Variants in IMMP1L observed in about 807,000 individuals in gnomAD.
IMMP1L encodes the protein mitochondrial inner membrane protease subunit 1.
In IMMP1L, 24 loss-of-function variants were observed where a neutral mutation model predicts 21.8. The ratio of observed to expected loss-of-function variants is 1.10; its 90% CI spans 0.80 to 1.55. The LOEUF is 1.55. IMMP1L is among the 40% of genes most tolerant of loss of function. The pLI is 0.00. For missense variants in IMMP1L, 195 were observed against 200.7 expected (o/e 0.97, Z 0.17); for synonymous variants, 46 against 62.8 (o/e 0.73, Z 1.26).
chr11:31,434,523 A>T (rs1953048324), intron 4 of IMMP1L, among the ~76,000 whole-genome samples: 1 of 152,100 alleles, frequency 6.6e-6, no homozygotes, highest in South Asian at 2.1e-4. Context: ...TATTTTCACT[A>T]TTCTTTTGAC....
intron 4 of IMMP1L, among the ~76,000 whole-genome samples, chr11:31,453,271 C>T (rs951033630): frequency 2.0e-5 from 3 of 152,160 alleles, no homozygotes; most frequent in Non-Finnish European, 2.9e-5. Context: ...ACAAACAATG[C>T]TATTTCTTTG....
At chr11:31,509,049 T>C (rs902146216) in intron 1 of IMMP1L, among the ~76,000 whole-genome samples, 31 of 152,334 alleles carry the variant, frequency 2.0e-4, no homozygotes, top group African/African-American at 7.2e-4. Flanking sequence ...ACACTTGTCA[T>C]TTACACCGCT....
chr11:31,464,615 A>C (rs1482910483), intron 1 of IMMP1L, among the ~76,000 whole-genome samples: 1 of 152,186 alleles, frequency 6.6e-6, no homozygotes. Flanking sequence ...TATCCCAGGG[A>C]TGCAAGGATG....
Position 31,456,392 on chromosome 11 carries a change from G to C in IMMP1L, c.195-6C>G. 1.2e-6 allele frequency: 2 copies of C among 1,607,208 alleles called. No individual in the cohort carries two copies. Among genetic ancestry groups the C allele is most frequent in the Non-Finnish European group, 1.7e-6 (2 of 1,175,608 alleles). On this transcript the variant is annotated splice_region_variant and splice_polypyrimidine_tract_variant and intron_variant, in intron 3 of 5. Coordinates refer to ENST00000532287, the MANE Select transcript of IMMP1L (RefSeq NM_001304274.2). ...TTGCAATCACAATGTCACCTCTGAG[G>C]GGGAAAAGTCAAAGAAATGTCTGTA... is the stretch of plus-strand genomic sequence containing the variant.
At chr11:31,508,162 G>C (rs1447804221) in intron 1 of IMMP1L, among the ~76,000 whole-genome samples, 2 of 151,688 alleles carry the variant, frequency 1.3e-5, no homozygotes, top group African/African-American at 4.8e-5. Context: ...TAAAACAAAA[G>C]TTGAAGAAAA....
intron 1 of IMMP1L, among the ~76,000 whole-genome samples, chr11:31,507,299 A>G (rs939152470): frequency 3.3e-5 from 5 of 152,160 alleles, no homozygotes; most frequent in African/African-American, 1.2e-4. Flanking sequence ...AAACAAAAGC[A>G]TATTTATCCT....
intron 1 of IMMP1L, among the ~76,000 whole-genome samples, chr11:31,491,340 G>A (rs2133791549): frequency 6.6e-6 from 1 of 152,286 alleles, no homozygotes; most frequent in South Asian, 2.1e-4. Context: ...TGAACAGAAT[G>A]TTGACAGAAA....
intron 1 of IMMP1L, among the ~76,000 whole-genome samples, chr11:31,504,197 G>T (rs1423013194): frequency 6.6e-6 from 1 of 152,094 alleles, no homozygotes; most frequent in African/African-American, 2.4e-5. Context: ...TAAAGCACCA[G>T]CCACTAAGAA....
chr11:31,434,979 G>T (rs1231997813), intron 4 of IMMP1L, among the ~76,000 whole-genome samples: 1 of 152,044 alleles, frequency 6.6e-6, no homozygotes, highest in Non-Finnish European at 1.5e-5. Flanking sequence ...ACAAAATAAT[G>T]AATTTGGAAA....
chr11:31,435,708 T>A (rs184374713), intron 4 of IMMP1L, among the ~76,000 whole-genome samples: 6 of 152,248 alleles, frequency 3.9e-5, no homozygotes, highest in Admixed American at 3.3e-4. Context: ...GATCTCCTTT[T>A]TTTCCCTCAT....
chr11:31,465,814 T>C (rs909919069), intron 1 of IMMP1L, among the ~76,000 whole-genome samples: 3 of 151,866 alleles, frequency 2.0e-5, no homozygotes, highest in African/African-American at 4.8e-5. Flanking sequence ...TACAGACTTA[T>C]AAATAAGATC....
chr11:31,477,859 C>T (rs1316012719), intron 1 of IMMP1L: 1 of 152,190 alleles, frequency 6.6e-6, no homozygotes, highest in Non-Finnish European at 1.5e-5. Context: ...GGTTGGCCCC[C>T]TATTCCCTGT....
intron 4 of IMMP1L, among the ~76,000 whole-genome samples, chr11:31,441,224 C>G (rs1197243238): frequency 2.6e-5 from 4 of 151,506 alleles, no homozygotes; most frequent in African/African-American, 9.7e-5. Context: ...CTGCTTAACC[C>G]TTTTGGTGAT....
At chr11:31,433,398 T>C (rs1201707191) in intron 5 of IMMP1L, 62 bp downstream of exon 5, 3 of 960,778 alleles carry the variant, frequency 3.1e-6, no homozygotes, top group South Asian at 1.6e-5. Context: ...TCAGAGATCA[T>C]TTTGAGAGAA....
chr11:31,507,337 C>T (rs1478955530), intron 1 of IMMP1L, among the ~76,000 whole-genome samples: 1 of 152,046 alleles, frequency 6.6e-6, no homozygotes, highest in Non-Finnish European at 1.5e-5. Context: ...GATATATATC[C>T]TAATTTCATG....
chr11:31,449,052 T>C (rs1953645756), intron 4 of IMMP1L: 2 of 985,270 alleles, frequency 2.0e-6, no homozygotes, highest in Non-Finnish European at 1.2e-6. Context: ...GAGCCGTTGC[T>C]GAGAAATGGA....
chr11:31,483,622 T>C (rs1954974146), intron 1 of IMMP1L, among the ~76,000 whole-genome samples: 1 of 151,976 alleles, frequency 6.6e-6, no homozygotes, highest in Non-Finnish European at 1.5e-5. Context: ...TAAAATAGTC[T>C]CCGGACTGAA....
intron 4 of IMMP1L, 60 bp from the exon 5 acceptor site, chr11:31,433,630 T>G: frequency 9.8e-7 from 1 of 1,021,906 alleles, no homozygotes; most frequent in South Asian, 1.4e-5. Context: ...GTACTATAAT[T>G]AAAAAGCATG....
intron 1 of IMMP1L, among the ~76,000 whole-genome samples, chr11:31,479,693 G>A (rs1954829274): frequency 6.6e-6 from 1 of 151,890 alleles, no homozygotes; most frequent in Non-Finnish European, 1.5e-5. Context: ...TGTTTATATT[G>A]ATTACGTATT....
Sources: allele counts gnomAD v4.1 joint callset (sites outside exome capture counted in the v4.1 genomes callset), GRCh38; gene constraint gnomAD v4.1.1; transcripts MANE v1.5; gene names NCBI Gene and HGNC (gene_info 2026-07-23, HGNC 2026-07-21).